The following CCDC125 variants were observed in gnomAD, a reference collection of about 807,000 sequenced individuals.
CCDC125 encodes the protein coiled-coil domain containing 125, also known as coiled-coil domain-containing protein 125.
Under a neutral mutation model 57.4 loss-of-function variants are expected in CCDC125, and 43 were observed. That is an observed-to-expected ratio of 0.75 (90% CI 0.59 to 0.97). The LOEUF (loss-of-function observed/expected upper bound fraction) is 0.97, where lower values mean the gene tolerates loss of function less well. Among genes scored for constraint, CCDC125 ranks in the 50% least tolerant of loss-of-function variants. The probability of loss-of-function intolerance (pLI) is 0.00; values close to 1 mark genes in which losing one functional copy is unlikely to be tolerated. For synonymous variants in CCDC125, 187 were observed against 195.2 expected, an observed-to-expected ratio of 0.96 and a Z score of 0.35; for missense variants, 563 against 595.7, an observed-to-expected ratio of 0.95 and a Z score of 0.57.
chr5:69,295,809 C>T (rs964133364), intron 8 of CCDC125, among the ~76,000 whole-genome samples: 3 of 152,080 alleles, frequency 2.0e-5, no homozygotes, highest in African/African-American at 7.2e-5. Context: ...GTTAAACTTC[C>T]CTAAACATTG....
chr5:69,300,334 A>G (rs1756184628), intron 7 of CCDC125, among the ~76,000 whole-genome samples: 1 of 152,188 alleles, frequency 6.6e-6, no homozygotes, highest in South Asian at 2.1e-4. Flanking sequence ...TGTCATTTTT[A>G]ATGGAAAAGC....
chr5:69,285,336 C>T lies in CCDC125; in HGVS notation c.1230+1G>A. 2 of 1,608,776 alleles carry T rather than the reference C, an allele frequency of 1.2e-6. No individual in the cohort carries two copies. Among genetic ancestry groups the T allele is most frequent in the Admixed American group, 1.7e-5 (1 of 58,128 alleles). ...CTGCAAAAAAAAGCAAAGACACTAACCAAATCTATGAGCATCTTAAGGACC... is the reference window on the plus strand; with the variant it reads ...CTGCAAAAAAAAGCAAAGACACTAATCAAATCTATGAGCATCTTAAGGACC... On this transcript the variant is annotated splice_donor_variant, in intron 11 of 11. Coordinates refer to ENST00000396496, the MANE Select transcript of CCDC125 (RefSeq NM_176816.5). LOFTEE classifies it high-confidence loss of function.
intron 1 of CCDC125, among the ~76,000 whole-genome samples, chr5:69,323,109 C>A (rs546818056): frequency 2.0e-5 from 3 of 151,954 alleles, no homozygotes; most frequent in African/African-American, 7.2e-5. Flanking sequence ...AAGTTCAAGA[C>A]CAGTCTGGCC....
chr5:69,322,726 C>T (rs1224667934), intron 1 of CCDC125, among the ~76,000 whole-genome samples: 1 of 151,094 alleles, frequency 6.6e-6, no homozygotes, highest in Admixed American at 6.6e-5. Flanking sequence ...CCACACCCGG[C>T]TAATTTTTGT....
intron 6 of CCDC125, 33 bp from the exon 7 acceptor site, chr5:69,303,962 A>G (rs761617144): frequency 7.5e-6 from 9 of 1,197,380 alleles, no homozygotes; most frequent in African/African-American, 1.5e-5. Context: ...TAACTAAAAC[A>G]TTAATATTTC....
intron 1 of CCDC125, among the ~76,000 whole-genome samples, chr5:69,325,460 G>A (rs113899034): frequency 5.9e-5 from 9 of 151,760 alleles, no homozygotes; most frequent in Admixed American, 2.0e-4. Flanking sequence ...TATTAAGTAC[G>A]AAAATTAAAC....
At chr5:69,279,031 C>A (rs1195508534), downstream of CCDC125, among the ~76,000 whole-genome samples, 1 of 151,762 alleles carries the variant, frequency 6.6e-6, no homozygotes, top group African/African-American at 2.4e-5. Context: ...CCATGCCCAG[C>A]TAATTAAAGT....
At chr5:69,331,749 C>G (rs1455269337) in intron 1 of CCDC125, among the ~76,000 whole-genome samples, 1 of 152,118 alleles carries the variant, frequency 6.6e-6, no homozygotes, top group Non-Finnish European at 1.5e-5. Flanking sequence ...CCATTCTTCA[C>G]CCCAGGAATG....
Position 69,294,785 on chromosome 5 carries a change from C to T in CCDC125, c.924+8G>A, listed in dbSNP as rs143751839. The T allele has an allele frequency of 2.4e-4, 380 of 1,594,482 alleles. 1 individual carries two copies. In the African/African-American group the frequency reaches 4.4e-3, roughly 19 times the overall value. On this transcript the variant is annotated splice_region_variant and intron_variant, in intron 9 of 11. Coordinates refer to ENST00000396496, the MANE Select transcript of CCDC125 (RefSeq NM_176816.5). ...ACTAAAGCTTTTGCTGTTGTGATAA[C>T]GCAATACCTCTTGTTTGAGCTGAAG...
At chr5:69,328,790 C>T (rs1761042447) in intron 1 of CCDC125, among the ~76,000 whole-genome samples, 2 of 150,820 alleles carry the variant, frequency 1.3e-5, no homozygotes, top group Non-Finnish European at 2.9e-5. Context: ...ATACTTTATA[C>T]GTTTGACTTT....
At position 69,285,323 on chromosome 5, in the gene CCDC125, G is replaced by A. The variant is rs1371183553; in HGVS notation, c.1230+14C>T. The A allele has an allele frequency of 2.5e-6, 4 of 1,608,956 alleles. No individual in the cohort carries two copies. In the East Asian group the frequency reaches 6.7e-5, roughly 27 times the overall value. ...GCTTAACCATAACCTGCAAAAAAAA[G>A]CAAAGACACTAACCAAATCTATGAG... is the stretch of plus-strand genomic sequence containing the variant. On this transcript the variant is annotated intron_variant, in intron 11 of 11. Transcript: ENST00000396496.
intron 6 of CCDC125, among the ~76,000 whole-genome samples, chr5:69,304,570 C>T (rs781362589): frequency 4.6e-5 from 7 of 151,304 alleles, no homozygotes; most frequent in Non-Finnish European, 7.4e-5. Context: ...GGATTACAGG[C>T]GCCCGCCACC....
chr5:69,281,331 ACACACACCCCACCCC>A lies in CCDC125; in HGVS notation c.*1383_*1397del, dbSNP rs1218315523. ...AGCAACACAGTGGGACCCTGTCTACACACACACCCCACCCCCACACACCCCAATTCACATACCACA... is the reference window on the plus strand; with the variant it reads ...AGCAACACAGTGGGACCCTGTCTACACACACACCCCAATTCACATACCACA... On this transcript the variant is annotated 3_prime_UTR_variant, in exon 12 of 12. Transcript: ENST00000396496. 2.0e-5 allele frequency: 3 copies of A among 152,128 alleles called. No individual in the cohort carries two copies. Among genetic ancestry groups the A allele is most frequent in the African/African-American group, 7.2e-5 (3 of 41,404 alleles). The allele number at this position is 152,128 out of a possible 1,614,324, so 9.4% of individuals were successfully genotyped here.
At chr5:69,302,095 T>C (rs1270042049) in intron 7 of CCDC125, among the ~76,000 whole-genome samples, 8 of 149,956 alleles carry the variant, frequency 5.3e-5, no homozygotes, top group African/African-American at 2.0e-4. Flanking sequence ...AATAAATAAA[T>C]AAATAAACAA....
At chr5:69,320,160 A>G in intron 2 of CCDC125, 77 bp downstream of exon 2, 1 of 1,272,764 alleles carries the variant, frequency 7.9e-7, no homozygotes, top group Non-Finnish European at 1.1e-6. Context: ...ATGGTTATTT[A>G]TTTTAGATTT....
chr5:69,276,105 C>CGT (rs1368423923), downstream of CCDC125, among the ~76,000 whole-genome samples: 3 of 152,148 alleles, frequency 2.0e-5, no homozygotes, highest in African/African-American at 7.2e-5. Context: ...TCTCGGCTCA[C>CGT]TGCAACCTCT....
chr5:69,314,079 G>C, intron 2 of CCDC125, 33 bp from the exon 3 acceptor site: 1 of 1,409,050 alleles, frequency 7.1e-7, no homozygotes, highest in Non-Finnish European at 1.0e-6. Context: ...TCTATTAGGG[G>C]AAAAATTTTG....
At chr5:69,303,735 A>G (rs1292329316) in intron 7 of CCDC125, 112 bp downstream of exon 7, 1 of 640,050 alleles carries the variant, frequency 1.6e-6, no homozygotes, top group African/African-American at 1.9e-5. Context: ...TAAATTTAAA[A>G]AACCTAAATG....
intron 2 of CCDC125, among the ~76,000 whole-genome samples, chr5:69,319,313 T>C (rs959895665): frequency 2.0e-5 from 3 of 152,134 alleles, no homozygotes; most frequent in Non-Finnish European, 2.9e-5. Flanking sequence ...GACATTATTC[T>C]CAGAAATTGG....
Sources: allele counts gnomAD v4.1 joint callset (sites outside exome capture counted in the v4.1 genomes callset), GRCh38; gene constraint gnomAD v4.1.1; transcripts MANE v1.5; gene names NCBI Gene and HGNC (gene_info 2026-07-23, HGNC 2026-07-21).